TNS3: variants seen among roughly 807,000 people sequenced by gnomAD.
TNS3 encodes tensin-3.
A neutral mutation model predicts 140.9 loss-of-function variants in TNS3; 45 were observed. That is an observed-to-expected ratio of 0.32 (90% confidence interval 0.25 to 0.41). The LOEUF (loss-of-function observed/expected upper bound fraction) is 0.41, where lower values mean the gene tolerates loss of function less well. Ranked by LOEUF, TNS3 falls within the 10% of genes least tolerant of loss-of-function variation. The pLI is 1.00. For missense variants in TNS3, 1,716 were observed against 1,906.7 expected, an observed-to-expected ratio of 0.90 and a Z score of 1.86; for synonymous variants, 815 against 788.4, an observed-to-expected ratio of 1.03 and a Z score of -0.56.
intron 1 of TNS3, among the ~76,000 whole-genome samples, chr7:47,551,582 G>A (rs1800064092): frequency 1.3e-5 from 2 of 152,246 alleles, no homozygotes; most frequent in South Asian, 4.1e-4. Flanking sequence ...GCCTTGGGGA[G>A]CACTTTGAAA....
intron 20 of TNS3, among the ~76,000 whole-genome samples, chr7:47,344,068 A>T (rs772027910): frequency 9.9e-5 from 15 of 152,200 alleles, no homozygotes; most frequent in Non-Finnish European, 2.1e-4. Flanking sequence ...GTAATGAACG[A>T]AACTCCCAGA....
At chr7:47,417,401 C>G (rs954739175) in intron 10 of TNS3, among the ~76,000 whole-genome samples, 1 of 152,218 alleles carries the variant, frequency 6.6e-6, no homozygotes, top group Non-Finnish European at 1.5e-5. Context: ...AGCAGAAGAA[C>G]TTTGTTTTGC....
Position 47,495,190 on chromosome 7 carries a change from CAAAAAAAAAA to C in TNS3, c.-115+11707_-115+11716del, listed in dbSNP as rs11353260. Among the ~76,000 whole-genome samples, 142 of 79,648 alleles carry C rather than the reference CAAAAAAAAAA, an allele frequency of 1.8e-3. 1 individual carries two copies. The highest frequency in any genetic ancestry group is 6.2e-3 in the African/African-American group (137 of 22,244). 52.3% of individuals were successfully genotyped at this position (79,648 alleles called of 152,430 possible). A position where few individuals can be genotyped will look rare whatever the true frequency, so the allele number is the denominator to read the frequency against. ...TGGGCGACAGAGCCAGACTCCGTCT[CAAAAAAAAAA>C]AAAAAAAAAAAGAAACGTTCTTCTC... On this transcript the variant is annotated intron_variant, in intron 3 of 30. Coordinates refer to ENST00000311160, the MANE Select transcript of TNS3 (RefSeq NM_022748.12).
chr7:47,365,783 G>A (rs1325145902), intron 17 of TNS3, among the ~76,000 whole-genome samples: 1 of 152,006 alleles, frequency 6.6e-6, no homozygotes, highest in Non-Finnish European at 1.5e-5. Flanking sequence ...AAAAAATAAA[G>A]TAATGAGTTT....
Position 47,565,427 on chromosome 7 carries a change from T to C in TNS3, c.-265+16624A>G, listed in dbSNP as rs368242201. On this transcript the variant is annotated intron_variant, in intron 1 of 30. Coordinates refer to ENST00000311160, the MANE Select transcript of TNS3 (RefSeq NM_022748.12). ...TTTCGCCCAGGCTGGAGTGCAGTGG[T>C]GCAATTTCAGCTAACTGCAACCTCC... Among the ~76,000 whole-genome samples the C allele has an allele frequency of 1.9e-4, 29 of 150,708 alleles. No individual in the cohort carries two copies. The South Asian group carries it at 2.9e-3, about 15-fold the overall frequency.
chr7:47,421,315 TGGCATGCA>T (rs534452609), intron 10 of TNS3, among the ~76,000 whole-genome samples: 1 of 152,180 alleles, frequency 6.6e-6, no homozygotes, highest in Non-Finnish European at 1.5e-5. Flanking sequence ...TCATCCAGGC[TGGCATGCA>T]GTGGGGCAAT....
intron 4 of TNS3, among the ~76,000 whole-genome samples, chr7:47,451,770 G>A (rs534928331): frequency 6.6e-6 from 1 of 152,194 alleles, no homozygotes; most frequent in African/African-American, 2.4e-5. Context: ...AAATGGAGAA[G>A]AAATAAATGT....
rs568801484 is a variant in TNS3 at position 47,280,199 on chromosome 7, T to A, written c.4167-9A>T. On this transcript the variant is annotated splice_polypyrimidine_tract_variant and intron_variant, in intron 29 of 30. Coordinates refer to ENST00000311160, the MANE Select transcript of TNS3 (RefSeq NM_022748.12). Reference sequence around the variant, plus strand: ...GGCCATCTTTGATCCACCTTGCAAATTAAAGAGAAAAACAGAGGTTAATTT... The same window carrying A: ...GGCCATCTTTGATCCACCTTGCAAAATAAAGAGAAAAACAGAGGTTAATTT... The A allele has an allele frequency of 6.2e-7, 1 of 1,614,088 alleles. No individual in the cohort carries two copies. The highest frequency in any genetic ancestry group is 1.1e-5 in the South Asian group (1 of 91,076).
In TNS3 at chr7:47,277,670, A is replaced by G. The variant is rs956716981; in HGVS notation, c.*406T>C. 7 of 286,210 alleles carry G rather than the reference A, an allele frequency of 2.4e-5. No individual in the cohort carries two copies. The highest frequency in any genetic ancestry group is 4.7e-5 in the Non-Finnish European group (7 of 147,510). 17.7% of individuals were successfully genotyped at this position (286,210 alleles called of 1,614,324 possible). A position where few individuals can be genotyped will look rare whatever the true frequency, so the allele number is the denominator to read the frequency against. On this transcript the variant is annotated 3_prime_UTR_variant, in exon 31 of 31. Coordinates refer to ENST00000311160, the MANE Select transcript of TNS3 (RefSeq NM_022748.12). ...ACAGAAGCGCCCATGCGGACGGGCG[A>G]AGCATGGCAGTCACTCGGCACCTCT...
chr7:47,574,676 TAA>T (rs1214587594), intron 1 of TNS3, among the ~76,000 whole-genome samples: 2 of 151,656 alleles, frequency 1.3e-5, no homozygotes, highest in African/African-American at 4.9e-5. Flanking sequence ...TATTCAGCCT[TAA>T]AAAGAGAGAA....
intron 20 of TNS3, 34 bp downstream of exon 20, chr7:47,344,721 C>A: frequency 6.3e-7 from 1 of 1,593,136 alleles, no homozygotes; most frequent in Non-Finnish European, 8.6e-7. Flanking sequence ...CGCCTGAGTG[C>A]CGCGCGCCTG....
intron 2 of TNS3, among the ~76,000 whole-genome samples, chr7:47,516,328 T>C (rs992747608): frequency 1.3e-5 from 2 of 151,994 alleles, no homozygotes; most frequent in South Asian, 4.1e-4. Flanking sequence ...AGCCCATCCC[T>C]GACTCTGCCA....
intron 16 of TNS3, among the ~76,000 whole-genome samples, chr7:47,372,800 G>C (rs1052369715): frequency 6.6e-6 from 1 of 152,194 alleles, no homozygotes; most frequent in African/African-American, 2.4e-5. Flanking sequence ...CAGTGCCAAA[G>C]ACCAGGCTGG....
At chr7:47,392,087 G>A (rs1792552599) in intron 16 of TNS3, among the ~76,000 whole-genome samples, 1 of 152,128 alleles carries the variant, frequency 6.6e-6, no homozygotes, top group Non-Finnish European at 1.5e-5. Context: ...AAACACCATA[G>A]TGAGGCTTCC....
intron 3 of TNS3, among the ~76,000 whole-genome samples, chr7:47,501,367 C>G (rs1183984358): frequency 6.6e-6 from 1 of 152,184 alleles, no homozygotes; most frequent in Non-Finnish European, 1.5e-5. Flanking sequence ...AAAGCTGTGG[C>G]AATGAGCTTC....
intron 8 of TNS3, among the ~76,000 whole-genome samples, chr7:47,433,227 G>A (rs192001318): frequency 5.1e-4 from 78 of 152,340 alleles, no homozygotes; most frequent in African/African-American, 1.8e-3. Context: ...CAAAGCAGGC[G>A]GATTTCGCCA....
chr7:47,429,936 G>A (rs978531428), intron 8 of TNS3, among the ~76,000 whole-genome samples: 25 of 152,200 alleles, frequency 1.6e-4, no homozygotes, highest in Admixed American at 2.0e-4. Context: ...ATCCTGGCAC[G>A]TGCAATTATT....
intron 15 of TNS3, among the ~76,000 whole-genome samples, chr7:47,398,577 T>C (rs184351639): frequency 1.6e-3 from 246 of 152,220 alleles, no homozygotes; most frequent in African/African-American, 5.2e-3. Context: ...AAAAACCATA[T>C]GTCATTTCAG....
chr7:47,418,337 T>C (rs1794193060), intron 10 of TNS3, among the ~76,000 whole-genome samples: 1 of 151,986 alleles, frequency 6.6e-6, no homozygotes, highest in South Asian at 2.1e-4. Context: ...ATGAACATAA[T>C]AGGACAGAAT....
Sources: gnomAD v4.1 joint callset for allele counts (sites outside exome capture counted in the v4.1 genomes callset) on GRCh38, gnomAD v4.1.1 for gene constraint, MANE v1.5 for transcripts, NCBI Gene and HGNC (gene_info 2026-07-23, HGNC 2026-07-21) for gene names.